Variants in PIPOX observed in about 807,000 individuals in gnomAD.
The protein encoded by PIPOX is peroxisomal sarcosine oxidase.
A neutral mutation model predicts 47.9 loss-of-function variants in PIPOX; 45 were observed. The observed-to-expected ratio is 0.94, with a 90% confidence interval of 0.74 to 1.20. The LOEUF is 1.20. Ranked by LOEUF, PIPOX falls within the 50% of genes most tolerant of loss-of-function variation. The pLI is 0.00. For missense variants in PIPOX, 458 were observed against 498.4 expected, an observed-to-expected ratio of 0.92 and a Z score of 0.77; for synonymous variants, 165 against 191.3, an observed-to-expected ratio of 0.86 and a Z score of 1.13.
chr17:29,050,102 A>T (rs973945475), intron 2 of PIPOX, among the ~76,000 whole-genome samples: 1 of 152,158 alleles, frequency 6.6e-6, no homozygotes, highest in Non-Finnish European at 1.5e-5. Flanking sequence ...CACATAGTAC[A>T]TCCCTGTAAG....
rs1368051600 is a variant in PIPOX, at chr17:29,053,064, G to A, written c.408G>A (p.Arg136=). ...KQRFPNIRLP[R]GEVGLLDNSG... is the part of the protein sequence containing the mutation. Reference sequence around the variant, plus strand: ...GTTTCCCAAATATTCGGTTGCCCAGGGGAGAAGTGGGGCTCTTGGACAATT... The same window carrying A: ...GTTTCCCAAATATTCGGTTGCCCAGAGGAGAAGTGGGGCTCTTGGACAATT... Residue 136 remains arginine, a synonymous_variant, in exon 3 of 8, where the codon AGG becomes AGA. Coordinates refer to ENST00000323372, the MANE Select transcript of PIPOX (RefSeq NM_016518.3). 1.2e-6 allele frequency: 2 copies of A among 1,614,116 alleles called. No homozygotes were observed. The highest frequency in any genetic ancestry group is 1.3e-5 in the African/African-American group (1 of 74,932).
At chr17:29,051,194 G>GA (rs1442210647) in intron 2 of PIPOX, among the ~76,000 whole-genome samples, 1 of 152,184 alleles carries the variant, frequency 6.6e-6, no homozygotes, top group Non-Finnish European at 1.5e-5. Flanking sequence ...GGGGGCCACA[G>GA]AAAAAAGACA....
At position 29,055,070 on chromosome 17, in the gene PIPOX, A is replaced by C. The variant is rs1443950483; in HGVS notation, c.815A>C (p.Tyr272Ser). The change falls in exon 6 of 8, where the codon TAT becomes TCT. Residue 272 changes from tyrosine to serine, a missense_variant. Physicochemically the swap from Tyr to Ser is moderately radical, Grantham distance 144. Transcript: ENST00000323372. The part of the protein sequence containing the change: ...GEYPGLMKVS[Y>S]HHGNHADPEE... ...ACTCTGATTGGGAGCCAGGTCAGCTATCACCACGGCAACCACGCAGACCCT... is the reference window on the plus strand; with the variant it reads ...ACTCTGATTGGGAGCCAGGTCAGCTCTCACCACGGCAACCACGCAGACCCT... The C allele has an allele frequency of 2.5e-6, 4 of 1,614,130 alleles. No individual in the cohort carries two copies. Among genetic ancestry groups the C allele is most frequent in the African/African-American group, 2.7e-5 (2 of 75,042 alleles).
chr17:29,051,681 G>T (rs759817512), intron 2 of PIPOX, among the ~76,000 whole-genome samples: 5 of 152,178 alleles, frequency 3.3e-5, no homozygotes, highest in Non-Finnish European at 7.4e-5. Context: ...CTCCCTTAGG[G>T]AGTAAAAGCA....
chr17:29,054,935 G>A, intron 5 of PIPOX, 128 bp from the exon 6 acceptor site: 6 of 1,302,286 alleles, frequency 4.6e-6, no homozygotes, highest in Non-Finnish European at 5.4e-6. Flanking sequence ...ACAGCCCACA[G>A]CACCTGCCAG....
At position 29,056,531 on chromosome 17, in the gene PIPOX, T is replaced by G. The variant is rs1356529454; in HGVS notation, c.*226T>G. 13 of 577,108 alleles carry G rather than the reference T, an allele frequency of 2.3e-5. No homozygotes were observed. The highest frequency in any genetic ancestry group is 3.4e-5 in the Non-Finnish European group (11 of 327,206). The allele number at this position is 577,108 out of a possible 1,614,324, so 35.7% of individuals were successfully genotyped here. On this transcript the variant is annotated 3_prime_UTR_variant, in exon 8 of 8. Coordinates refer to ENST00000323372, the MANE Select transcript of PIPOX (RefSeq NM_016518.3). The stretch of plus-strand genomic sequence containing the variant: ...ACACCAGACGATTGAGTCTACCTTC[T>G]TTTCTTGGCCACCTCCCCATTCACA...
chr17:29,049,839 A>G (rs1258825621), intron 2 of PIPOX, among the ~76,000 whole-genome samples: 2 of 152,238 alleles, frequency 1.3e-5, no homozygotes, highest in African/African-American at 4.8e-5. Flanking sequence ...GGCATCACAC[A>G]TTCAGATGGA....
chr17:29,043,273 G>A lies in PIPOX; in HGVS notation c.48G>A (p.Gly16=), dbSNP rs34642085. 2.5e-6 allele frequency: 4 copies of A among 1,613,694 alleles called. No individual in the cohort carries two copies. The highest frequency in any genetic ancestry group is 3.4e-6 in the Non-Finnish European group (4 of 1,179,758). The change falls in exon 1 of 8, where the codon GGG becomes GGA. Residue 16 remains glycine (G), a synonymous_variant. Transcript: ENST00000323372. ...DLWDAIVIGA[G]IQGCFTAYHL... The stretch of plus-strand genomic sequence containing the variant: ...GGGACGCCATTGTGATTGGGGCGGG[G>A]ATCCAGGGCTGCTTCACTGCATACC...
intron 2 of PIPOX, among the ~76,000 whole-genome samples, chr17:29,047,205 G>T (rs1306841126): frequency 1.3e-5 from 2 of 152,082 alleles, no homozygotes; most frequent in South Asian, 2.1e-4. Context: ...CAGAAGAATC[G>T]CTTGAACCTG....
In PIPOX at chr17:29,055,126, G is replaced by T. The variant is rs781504759; in HGVS notation, c.871G>T (p.Asp291Tyr). Residue 291 changes from aspartate to tyrosine, a missense_variant, in exon 6 of 8, where the codon GAC becomes TAC. Coordinates refer to ENST00000323372, the MANE Select transcript of PIPOX (RefSeq NM_016518.3). Reference sequence around the variant, plus strand: ...GCGGGACTGCCCCACAGCACGCACAGACATCGGAGACGTCCAGATCCTGAG... The same window carrying T: ...GCGGGACTGCCCCACAGCACGCACATACATCGGAGACGTCCAGATCCTGAG... ...EERDCPTARTDIGDVQILSSF... is the reference protein window; with the variant it reads ...EERDCPTARTYIGDVQILSSF... 8.1e-6 allele frequency: 13 copies of T among 1,614,044 alleles called. No individual in the cohort carries two copies. The highest frequency in any genetic ancestry group is 3.3e-4 in the Middle Eastern group (2 of 6,084).
At chr17:29,048,809 C>T (rs371347840) in intron 2 of PIPOX, among the ~76,000 whole-genome samples, 15 of 152,336 alleles carry the variant, frequency 9.8e-5, no homozygotes, top group South Asian at 6.2e-4. Flanking sequence ...GCCCACTGAA[C>T]GGAAGATGAA....
Position 29,056,515 on chromosome 17 carries a change from G to A in PIPOX, c.*210G>A, listed in dbSNP as rs933872700. The A allele has an allele frequency of 1.2e-5, 7 of 597,214 alleles. No homozygotes were observed. The highest frequency in any genetic ancestry group is 7.4e-5 in the African/African-American group (4 of 53,866). 37.0% of individuals were successfully genotyped at this position (597,214 alleles called of 1,614,324 possible). ...CTTGAATCCCCCGTAAACACCAGAC[G>A]ATTGAGTCTACCTTCTTTTCTTGGC... On this transcript the variant is annotated 3_prime_UTR_variant, in exon 8 of 8. Transcript: ENST00000323372.
chr17:29,053,490 G>A lies in PIPOX; in HGVS notation c.555G>A (p.Thr185=), dbSNP rs1195045574. The A allele has an allele frequency of 7.4e-6, 12 of 1,614,060 alleles. No individual in the cohort carries two copies. The East Asian group carries it at 1.1e-4, about 15-fold the overall frequency. ...VVEINPGLLV[T]VKTTSRSYQA... ...AGATAAACCCAGGGCTACTGGTCAC[G>A]GTGAAAACCACCTCCAGGAGCTACC... The change falls in exon 4 of 8, where the codon ACG becomes ACA. Residue 185 remains threonine, a synonymous_variant. Coordinates refer to ENST00000323372, the MANE Select transcript of PIPOX (RefSeq NM_016518.3).
intron 2 of PIPOX, among the ~76,000 whole-genome samples, chr17:29,047,381 A>C (rs1342405668): frequency 6.6e-6 from 1 of 152,200 alleles, no homozygotes; most frequent in Non-Finnish European, 1.5e-5. Flanking sequence ...TTCTCCTCAC[A>C]ATCTTATGAG....
rs1166358857 is a variant in PIPOX at position 29,053,200 on chromosome 17, C to T, written c.477+67C>T. ...TCTGGGTGTCCTGGGTCCCAAGCAG[C>T]CAGCCCAAGACCCCCCTCTGGATGA... On this transcript the variant is annotated intron_variant, in intron 3 of 7. Transcript: ENST00000323372. The T allele has an allele frequency of 6.1e-6, 9 of 1,467,122 alleles. No individual in the cohort carries two copies. In the East Asian group the frequency reaches 1.8e-4, roughly 30 times the overall value. 90.9% of individuals were successfully genotyped at this position (1,467,122 alleles called of 1,614,324 possible). A position where few individuals can be genotyped will look rare whatever the true frequency, so the allele number is the denominator to read the frequency against.
At chr17:29,044,114 C>G (rs1289394141) in intron 1 of PIPOX, 1 of 152,236 alleles carries the variant, frequency 6.6e-6, no homozygotes, top group Non-Finnish European at 1.5e-5. Context: ...TCAGTTTTCT[C>G]AAAGCCCAAG....
intron 5 of PIPOX, 38 bp downstream of exon 5, chr17:29,054,729 G>A: frequency 6.2e-7 from 1 of 1,602,818 alleles, no homozygotes; most frequent in South Asian, 1.1e-5. Flanking sequence ...GTAGATGCCA[G>A]TGCAGATTAG....
At position 29,055,295 on chromosome 17, in the gene PIPOX, TG is replaced by T. The variant is rs1292954645; in HGVS notation, c.966+76del. 15 of 1,548,222 alleles carry T rather than the reference TG, an allele frequency of 9.7e-6. No homozygotes were observed. In the East Asian group the frequency reaches 3.4e-4, roughly 35 times the overall value. The stretch of plus-strand genomic sequence containing the variant: ...GGGAAGAAGGAGACAGACCTTGCAC[TG>T]GCCAGGCCCGATTGTTTGACCCCTG... On this transcript the variant is annotated intron_variant, in intron 6 of 7. Transcript: ENST00000323372.
chr17:29,046,355 T>C (rs970003908), intron 2 of PIPOX, among the ~76,000 whole-genome samples: 6 of 152,158 alleles, frequency 3.9e-5, no homozygotes, highest in Admixed American at 6.5e-5. Context: ...TAAGAGACGT[T>C]AGAGTGTCTG....
Sources: gnomAD v4.1 joint callset for allele counts (sites outside exome capture counted in the v4.1 genomes callset) on GRCh38, gnomAD v4.1.1 for gene constraint, MANE v1.5 for transcripts, NCBI Gene and HGNC (gene_info 2026-07-23, HGNC 2026-07-21) for gene names.